The following SLC4A10 variants were observed in gnomAD, a reference collection of about 807,000 sequenced individuals.
SLC4A10 encodes the protein solute carrier family 4 member 10.
A neutral mutation model predicts 137.7 loss-of-function variants in SLC4A10; 42 were observed. The ratio of observed to expected loss-of-function variants is 0.30; its 90% CI spans 0.24 to 0.39. The LOEUF is 0.39. Ranked by LOEUF, SLC4A10 falls within the 10% of genes least tolerant of loss-of-function variation. The pLI, the probability that SLC4A10 is intolerant of heterozygous loss-of-function variation, is 1.00. For missense variants in SLC4A10, 925 were observed against 1,355.0 expected (o/e 0.68, Z 4.98); for synonymous variants, 474 against 464.1 (o/e 1.02, Z -0.27).
At chr2:161,942,664 A>G in intron 15 of SLC4A10, 128 bp from the exon 16 acceptor site, 1 of 688,516 alleles carries the variant, frequency 1.5e-6, no homozygotes. Context: ...AGTTTAGGAT[A>G]ACCTAACTAC....
intron 15 of SLC4A10, among the ~76,000 whole-genome samples, chr2:161,932,373 C>T (rs776546921): frequency 1.3e-5 from 2 of 152,246 alleles, no homozygotes; most frequent in South Asian, 4.1e-4. Flanking sequence ...AGGGAGGCTA[C>T]CATGGGTATA....
intron 1 of SLC4A10, among the ~76,000 whole-genome samples, chr2:161,691,797 A>G (rs956076113): frequency 6.6e-6 from 1 of 152,134 alleles, no homozygotes; most frequent in African/African-American, 2.4e-5. Flanking sequence ...ACATTTGTTG[A>G]ATGTTTATAT....
chr2:161,657,324 C>T (rs564353454), intron 1 of SLC4A10, among the ~76,000 whole-genome samples: 2 of 151,894 alleles, frequency 1.3e-5, no homozygotes, highest in South Asian at 4.2e-4. Context: ...TAGGATAAAG[C>T]CTGGCACATA....
In SLC4A10 at chr2:161,656,064, G is replaced by A. The variant is rs573061501; in HGVS notation, c.48+31498G>A. ...CCTGACCTCGTGATCCAACCCCCTC[G>A]GCCTCCCAAAGTGCTGGGATTACAG... On this transcript the variant is annotated intron_variant, in intron 1 of 26. Coordinates refer to ENST00000446997, the MANE Select transcript of SLC4A10 (RefSeq NM_001178015.2). 4.6e-5 allele frequency among the ~76,000 whole-genome samples: 7 copies of A among 152,032 alleles called. No homozygotes were observed. In the East Asian group the frequency reaches 5.8e-4, roughly 13 times the overall value.
chr2:161,885,213 A>C (rs2062156505), intron 10 of SLC4A10, among the ~76,000 whole-genome samples: 1 of 152,142 alleles, frequency 6.6e-6, no homozygotes, highest in Non-Finnish European at 1.5e-5. Flanking sequence ...TAAGAAAGAA[A>C]AAGAAAAAAG....
chr2:161,774,733 G>A (rs984246227), intron 2 of SLC4A10, among the ~76,000 whole-genome samples: 3 of 151,878 alleles, frequency 2.0e-5, no homozygotes, highest in Non-Finnish European at 4.4e-5. Flanking sequence ...TGTGGAATCA[G>A]TTGAGACGTC....
At chr2:161,698,819 C>A (rs952205691) in intron 1 of SLC4A10, among the ~76,000 whole-genome samples, 1 of 152,118 alleles carries the variant, frequency 6.6e-6, no homozygotes, top group Non-Finnish European at 1.5e-5. Context: ...ATGCTGGCCT[C>A]ATAAAATGAG....
chr2:161,794,161 T>C (rs948506105), intron 2 of SLC4A10, among the ~76,000 whole-genome samples: 15 of 152,160 alleles, frequency 9.9e-5, no homozygotes, highest in African/African-American at 3.6e-4. Flanking sequence ...GTGCTATTTA[T>C]CGCCAACTCT....
intron 1 of SLC4A10, among the ~76,000 whole-genome samples, chr2:161,636,945 A>G (rs2034487242): frequency 6.7e-6 from 1 of 150,126 alleles, no homozygotes; most frequent in Non-Finnish European, 1.5e-5. Flanking sequence ...TTGAACTACT[A>G]GCCTCAGGCA....
intron 2 of SLC4A10, among the ~76,000 whole-genome samples, chr2:161,776,391 C>A (rs1002756106): frequency 1.3e-5 from 2 of 151,916 alleles, no homozygotes; most frequent in African/African-American, 4.8e-5. Context: ...CTGTCAACAA[C>A]CATTCTACCT....
intron 17 of SLC4A10, 127 bp from the exon 18 acceptor site, chr2:161,949,020 AT>A (rs1464770631): frequency 3.5e-6 from 2 of 568,384 alleles, no homozygotes. Context: ...ATCTTATAGT[AT>A]GCATAAAATA....
At chr2:161,771,304 G>T (rs2051573045) in intron 2 of SLC4A10, among the ~76,000 whole-genome samples, 1 of 151,816 alleles carries the variant, frequency 6.6e-6, no homozygotes, top group African/African-American at 2.4e-5. Context: ...GCACTGTACT[G>T]TGTGTCAATC....
At chr2:161,948,816 G>A (rs529699841) in intron 17 of SLC4A10, among the ~76,000 whole-genome samples, 2 of 152,190 alleles carry the variant, frequency 1.3e-5, no homozygotes, top group African/African-American at 4.8e-5. Context: ...TTCTGCCCAT[G>A]CTACCTTATT....
At chr2:161,839,198 T>C (rs1490648122) in intron 3 of SLC4A10, among the ~76,000 whole-genome samples, 1 of 152,140 alleles carries the variant, frequency 6.6e-6, no homozygotes, top group Non-Finnish European at 1.5e-5. Context: ...ATTTGCTAAG[T>C]GAATAAAGCC....
At chr2:161,892,905 C>A (rs1490080901) in intron 10 of SLC4A10, among the ~76,000 whole-genome samples, 1 of 151,978 alleles carries the variant, frequency 6.6e-6, no homozygotes, top group African/African-American at 2.4e-5. Flanking sequence ...GCAGGAATAA[C>A]CAACTAAAAT....
intron 23 of SLC4A10, among the ~76,000 whole-genome samples, chr2:161,968,942 G>T (rs1698059393): frequency 6.6e-6 from 1 of 152,132 alleles, no homozygotes; most frequent in Non-Finnish European, 1.5e-5. Context: ...TCTTACTGTG[G>T]CATCTTATAC....
intron 1 of SLC4A10, among the ~76,000 whole-genome samples, chr2:161,669,984 A>G (rs1346207525): frequency 1.3e-5 from 2 of 152,084 alleles, no homozygotes; most frequent in African/African-American, 2.4e-5. Context: ...TCATGGTTCC[A>G]TTGCCTACTG....
intron 3 of SLC4A10, among the ~76,000 whole-genome samples, chr2:161,828,804 A>ATATATATG (rs758149743): frequency 8.4e-6 from 1 of 118,586 alleles, no homozygotes; most frequent in Admixed American, 9.6e-5. Flanking sequence ...ATATATATAT[A>ATATATATG]TATATGTATA....
At chr2:161,904,678 G>A in intron 13 of SLC4A10, 98 bp from the exon 14 acceptor site, 25 of 1,435,802 alleles carry the variant, frequency 1.7e-5, no homozygotes, top group Non-Finnish European at 2.4e-5. Flanking sequence ...TCAGGGTGAA[G>A]CACAAAGCAC....
Sources: allele counts gnomAD v4.1 joint callset (sites outside exome capture counted in the v4.1 genomes callset), GRCh38; gene constraint gnomAD v4.1.1; transcripts MANE v1.5; gene names NCBI Gene and HGNC (gene_info 2026-07-23, HGNC 2026-07-21).